The following ADGRB3 variants were observed in gnomAD, a reference collection of about 807,000 sequenced individuals.
ADGRB3 encodes brain-specific angiogenesis inhibitor 3.
A neutral mutation model predicts 193.4 loss-of-function variants in ADGRB3; 37 were observed. The ratio of observed to expected loss-of-function variants is 0.19; its 90% CI spans 0.15 to 0.25. The LOEUF is 0.25. ADGRB3 is among the 10% of genes least tolerant of loss of function. The pLI, the probability that ADGRB3 is intolerant of heterozygous loss-of-function variation, is 1.00. For synonymous variants in ADGRB3, 690 were observed against 644.2 expected, an observed-to-expected ratio of 1.07 and a Z score of -1.08; for missense variants, 1,637 against 1,852.9, an observed-to-expected ratio of 0.88 and a Z score of 2.14.
At chr6:68,885,533 A>G (rs573200759) in intron 3 of ADGRB3, among the ~76,000 whole-genome samples, 2 of 152,164 alleles carry the variant, frequency 1.3e-5, no homozygotes, top group South Asian at 2.1e-4. Context: ...TAGACAGTAT[A>G]TATTTATCAC....
intron 3 of ADGRB3, among the ~76,000 whole-genome samples, chr6:68,916,741 C>A (rs766420789): frequency 1.3e-5 from 2 of 152,058 alleles, no homozygotes; most frequent in Admixed American, 6.6e-5. Context: ...AAAATCAATT[C>A]GTGCAGAGGA....
chr6:68,779,230 ATGTGTGTG>A (rs4038665), intron 3 of ADGRB3, among the ~76,000 whole-genome samples: 3 of 144,486 alleles, frequency 2.1e-5, no homozygotes, highest in Admixed American at 1.4e-4. Context: ...TGTATATATT[ATGTGTGTG>A]TGTGTGTGTG....
intron 17 of ADGRB3, among the ~76,000 whole-genome samples, chr6:69,125,114 G>C (rs933651451): frequency 2.0e-5 from 3 of 152,132 alleles, no homozygotes; most frequent in Non-Finnish European, 4.4e-5. Context: ...CACGGGCAAG[G>C]GACAGGCAGG....
In ADGRB3 at chr6:69,092,680, G is replaced by T. The variant is rs76213454; in HGVS notation, c.2480+16642G>T. 2.2e-4 allele frequency among the ~76,000 whole-genome samples: 33 copies of T among 152,050 alleles called. No homozygotes were observed. In the East Asian group the frequency reaches 5.6e-3, roughly 26 times the overall value. ...ATGAAAACAGGAACGTAAAGAGACG[G>T]TTACAGTTAATAAGCAAAAAAGTAC... On this transcript the variant is annotated intron_variant, in intron 17 of 31. Coordinates refer to ENST00000370598, the MANE Select transcript of ADGRB3 (RefSeq NM_001704.3).
intron 17 of ADGRB3, among the ~76,000 whole-genome samples, chr6:69,123,431 A>G (rs1251356810): frequency 6.6e-6 from 1 of 152,194 alleles, no homozygotes; most frequent in Non-Finnish European, 1.5e-5. Context: ...GCAAATATAT[A>G]CTGAGATTCT....
chr6:69,210,149 C>CATATATATATATATAT (rs58586306), intron 17 of ADGRB3, among the ~76,000 whole-genome samples: 2,992 of 78,632 alleles, frequency 0.038, 296 homozygotes, highest in Middle Eastern at 0.092. Flanking sequence ...TAATATATAT[C>CATATATATATATATAT]ATATATATAT....
chr6:68,791,241 T>C (rs1035704388), intron 3 of ADGRB3, among the ~76,000 whole-genome samples: 1 of 152,146 alleles, frequency 6.6e-6, no homozygotes, highest in Non-Finnish European at 1.5e-5. Context: ...GTAATATTCA[T>C]TTATGTCCTC....
intron 3 of ADGRB3, among the ~76,000 whole-genome samples, chr6:68,669,642 GTGTGTGTGTA>G (rs987178272): frequency 2.0e-5 from 3 of 149,674 alleles, no homozygotes; most frequent in African/African-American, 5.0e-5. Flanking sequence ...GTGTGTGTGT[GTGTGTGTGTA>G]TACCAAATTT....
At position 69,203,407 on chromosome 6, in the gene ADGRB3, T is replaced by A. The variant is rs538515692; in HGVS notation, c.2481-29883T>A. Among the ~76,000 whole-genome samples, 5 of 152,186 alleles carry A rather than the reference T, an allele frequency of 3.3e-5. No individual in the cohort carries two copies. In the South Asian group the frequency reaches 1.0e-3, roughly 32 times the overall value. On this transcript the variant is annotated intron_variant, in intron 17 of 31. Transcript: ENST00000370598. ...ATAACAGAGCCCTTTATCTTGTTCT[T>A]CTTTCCTTTATTCCTTCTTTCTATT... is the stretch of plus-strand genomic sequence containing the variant.
chr6:68,987,654 C>T (rs1377096175), intron 10 of ADGRB3, among the ~76,000 whole-genome samples: 2 of 152,044 alleles, frequency 1.3e-5, no homozygotes, highest in Admixed American at 6.6e-5. Context: ...TGCCTGGGCT[C>T]AAATCTCCAT....
At chr6:69,005,724 C>G (rs1192965566) in intron 11 of ADGRB3, among the ~76,000 whole-genome samples, 1 of 152,180 alleles carries the variant, frequency 6.6e-6, no homozygotes, top group Non-Finnish European at 1.5e-5. Flanking sequence ...CAGAAGCCCT[C>G]TGAATACCAC....
chr6:69,173,572 A>G (rs1255881425), intron 17 of ADGRB3, among the ~76,000 whole-genome samples: 1 of 152,170 alleles, frequency 6.6e-6, no homozygotes, highest in Non-Finnish European at 1.5e-5. Context: ...ATGAAGATGG[A>G]TATGTGCATT....
At chr6:68,814,192 A>G (rs970350411) in intron 3 of ADGRB3, among the ~76,000 whole-genome samples, 4 of 152,084 alleles carry the variant, frequency 2.6e-5, no homozygotes, top group Admixed American at 1.3e-4. Flanking sequence ...AAGTGTTCCT[A>G]TTTCTCCACA....
chr6:68,903,101 G>A (rs1340539619), intron 3 of ADGRB3, among the ~76,000 whole-genome samples: 5 of 152,090 alleles, frequency 3.3e-5, no homozygotes, highest in Non-Finnish European at 5.9e-5. Flanking sequence ...TTACACTTTT[G>A]ACTTGAGCTC....
At chr6:68,713,627 A>G (rs1729466108) in intron 3 of ADGRB3, among the ~76,000 whole-genome samples, 1 of 150,984 alleles carries the variant, frequency 6.6e-6, no homozygotes, top group Non-Finnish European at 1.5e-5. Flanking sequence ...TTCCAGTGGT[A>G]CCTTTCTTGT....
intron 3 of ADGRB3, among the ~76,000 whole-genome samples, chr6:68,858,648 TA>T (rs1253357849): frequency 7.1e-6 from 1 of 141,638 alleles, no homozygotes; most frequent in Non-Finnish European, 1.5e-5. Context: ...TTCACCCAAC[TA>T]AAAAGTACAT....
At chr6:68,690,251 C>A (rs894242321) in intron 3 of ADGRB3, among the ~76,000 whole-genome samples, 5 of 152,098 alleles carry the variant, frequency 3.3e-5, no homozygotes, top group African/African-American at 1.2e-4. Context: ...ATTTATAGGA[C>A]TAACTACAAC....
chr6:69,300,883 A>C (rs1054567964), intron 20 of ADGRB3, among the ~76,000 whole-genome samples: 1 of 151,794 alleles, frequency 6.6e-6, no homozygotes, highest in African/African-American at 2.4e-5. Context: ...TTACATTTCA[A>C]AGTGATAAGA....
chr6:68,729,070 T>C (rs952645283), intron 3 of ADGRB3, among the ~76,000 whole-genome samples: 2 of 151,610 alleles, frequency 1.3e-5, no homozygotes, highest in Non-Finnish European at 3.0e-5. Flanking sequence ...AAACATTAAA[T>C]TGGTAAGCAA....
Sources: gnomAD v4.1 joint callset for allele counts (sites outside exome capture counted in the v4.1 genomes callset) on GRCh38, gnomAD v4.1.1 for gene constraint, MANE v1.5 for transcripts, NCBI Gene and HGNC (gene_info 2026-07-23, HGNC 2026-07-21) for gene names.